The following SLC35F4 variants were observed in gnomAD, a reference collection of about 807,000 sequenced individuals.
SLC35F4 encodes the protein chromosome 14 open reading frame 36.
In SLC35F4, 24 loss-of-function variants were observed where a neutral mutation model predicts 44.2. The ratio of observed to expected loss-of-function variants is 0.54; its 90% confidence interval spans 0.39 to 0.76. The LOEUF (loss-of-function observed/expected upper bound fraction) is 0.76, where lower values mean the gene tolerates loss of function less well. Ranked by LOEUF, SLC35F4 falls within the 30% of genes least tolerant of loss-of-function variation. SLC35F4 has a pLI of 0.00. For synonymous variants in SLC35F4, 238 were observed against 223.6 expected (o/e 1.06, Z -0.57); for missense variants, 562 against 586.1 (o/e 0.96, Z 0.42).
At chr14:57,585,270 G>C (rs1175577304) in intron 3 of SLC35F4, among the ~76,000 whole-genome samples, 1 of 152,094 alleles carries the variant, frequency 6.6e-6, no homozygotes, top group Non-Finnish European at 1.5e-5. Flanking sequence ...TGCAGAAAAG[G>C]CCTTCGACAA....
upstream of SLC35F4, chr14:57,866,130 G>A (rs1025149232): frequency 1.1e-5 from 2 of 181,140 alleles, no homozygotes; most frequent in Non-Finnish European, 2.3e-5. Context: ...GTGGCCGGGG[G>A]CGGGTGTGGG....
At chr14:57,752,948 G>A (rs1371804270) in intron 1 of SLC35F4, among the ~76,000 whole-genome samples, 1 of 152,124 alleles carries the variant, frequency 6.6e-6, no homozygotes, top group Non-Finnish European at 1.5e-5. Flanking sequence ...CCTCCTTAAC[G>A]GGCAGTCATG....
At chr14:57,813,118 G>A (rs1882157093) in intron 1 of SLC35F4, among the ~76,000 whole-genome samples, 1 of 152,188 alleles carries the variant, frequency 6.6e-6, no homozygotes, top group Non-Finnish European at 1.5e-5. Flanking sequence ...CACAGTCTGT[G>A]AGTGTCAGGT....
rs1308128356 is a variant in SLC35F4 at position 57,865,716 on chromosome 14, G to C, written c.103+7C>G. 7.9e-6 allele frequency: 12 copies of C among 1,516,312 alleles called. No individual in the cohort carries two copies. The highest frequency in any genetic ancestry group is 1.1e-5 in the Non-Finnish European group (12 of 1,138,240). 93.9% of individuals were successfully genotyped at this position (1,516,312 alleles called of 1,614,324 possible). A position where few individuals can be genotyped will look rare whatever the true frequency, so the allele number is the denominator to read the frequency against. On this transcript the variant is annotated splice_region_variant and intron_variant, in intron 1 of 7. Coordinates refer to ENST00000556826, the MANE Select transcript of SLC35F4 (RefSeq NM_001306087.2). ...GCCTCGCGCAGGGCAGCCGCGCGGCGTCTTACTTTTCTGGCTGGAGTAACC... is the reference window on the plus strand; with the variant it reads ...GCCTCGCGCAGGGCAGCCGCGCGGCCTCTTACTTTTCTGGCTGGAGTAACC...
At chr14:57,592,869 A>G (rs568024165) in intron 2 of SLC35F4, among the ~76,000 whole-genome samples, 1 of 152,024 alleles carries the variant, frequency 6.6e-6, no homozygotes, top group South Asian at 2.1e-4. Context: ...TTTACTACCA[A>G]CTTATTTTGG....
intron 1 of SLC35F4, among the ~76,000 whole-genome samples, chr14:57,882,925 A>T (rs183751658): frequency 2.6e-5 from 4 of 152,070 alleles, no homozygotes; most frequent in African/African-American, 9.6e-5. Context: ...TGATTTTGCC[A>T]GTGGTATGAT....
At chr14:57,854,317 T>G (rs1886871335) in intron 1 of SLC35F4, among the ~76,000 whole-genome samples, 1 of 151,974 alleles carries the variant, frequency 6.6e-6, no homozygotes, top group Non-Finnish European at 1.5e-5. Context: ...TGCTTTATAA[T>G]TTTTAAAAAA....
At chr14:57,680,177 G>A (rs1223957950) in intron 1 of SLC35F4, among the ~76,000 whole-genome samples, 3 of 152,050 alleles carry the variant, frequency 2.0e-5, no homozygotes, top group African/African-American at 4.8e-5. Flanking sequence ...TATCCACCAC[G>A]ATCAAGTCAG....
chr14:57,624,885 A>C (rs1408809675), intron 1 of SLC35F4, among the ~76,000 whole-genome samples: 1 of 152,198 alleles, frequency 6.6e-6, no homozygotes, highest in Non-Finnish European at 1.5e-5. Flanking sequence ...TTCCCTTTGA[A>C]AACCGGCACA....
intron 1 of SLC35F4, among the ~76,000 whole-genome samples, chr14:57,826,628 A>G (rs1367944276): frequency 6.6e-6 from 1 of 152,096 alleles, no homozygotes; most frequent in South Asian, 2.1e-4. Context: ...AAGGTCTAAT[A>G]TCCAGAGTCT....
At chr14:57,597,943 C>T (rs1158294976) in intron 1 of SLC35F4, among the ~76,000 whole-genome samples, 1 of 151,976 alleles carries the variant, frequency 6.6e-6, no homozygotes, top group Non-Finnish European at 1.5e-5. Context: ...GGGGAGACCT[C>T]GTAAACAAAA....
At chr14:57,612,756 C>T (rs188161414) in intron 1 of SLC35F4, among the ~76,000 whole-genome samples, 31 of 152,240 alleles carry the variant, frequency 2.0e-4, no homozygotes, top group South Asian at 4.2e-4. Flanking sequence ...TCTCCAACTA[C>T]GCATGCTCAA....
At chr14:57,920,587 T>C (rs1889422579) in intron 1 of SLC35F4, among the ~76,000 whole-genome samples, 2 of 152,212 alleles carry the variant, frequency 1.3e-5, no homozygotes, top group Non-Finnish European at 1.5e-5. Flanking sequence ...AAGAAGAATA[T>C]ATATAAAAAT....
chr14:57,819,710 G>C (rs1819066888), intron 1 of SLC35F4, among the ~76,000 whole-genome samples: 2 of 151,754 alleles, frequency 1.3e-5, no homozygotes, highest in African/African-American at 4.8e-5. Context: ...CTACTCAGGA[G>C]GCTGAGGCAG....
At chr14:57,729,478 T>C (rs1213708470) in intron 1 of SLC35F4, among the ~76,000 whole-genome samples, 1 of 152,160 alleles carries the variant, frequency 6.6e-6, no homozygotes, top group Non-Finnish European at 1.5e-5. Flanking sequence ...GACTGAGTCC[T>C]TCCCTTCAAG....
chr14:57,683,922 C>G (rs1231179142), intron 1 of SLC35F4, among the ~76,000 whole-genome samples: 1 of 152,046 alleles, frequency 6.6e-6, no homozygotes, highest in Non-Finnish European at 1.5e-5. Context: ...GAGTGGCCAT[C>G]TGATGGTGGG....
intron 1 of SLC35F4, among the ~76,000 whole-genome samples, chr14:57,653,277 G>T (rs1374428369): frequency 1.3e-5 from 2 of 152,090 alleles, no homozygotes; most frequent in African/African-American, 2.4e-5. Context: ...ATAAAATGAG[G>T]CATGAAAGAC....
intron 1 of SLC35F4, among the ~76,000 whole-genome samples, chr14:57,648,699 G>A (rs2073650169): frequency 6.6e-6 from 1 of 152,142 alleles, no homozygotes; most frequent in South Asian, 2.1e-4. Context: ...TAAGAAGTGT[G>A]TACAAAGCGT....
At chr14:57,968,496 C>T (rs1057463142) in intron 1 of SLC35F4, among the ~76,000 whole-genome samples, 2 of 152,188 alleles carry the variant, frequency 1.3e-5, no homozygotes, top group Admixed American at 1.3e-4. Flanking sequence ...CTTTGCAATT[C>T]CTAATAGTGC....
Sources: allele counts gnomAD v4.1 joint callset (sites outside exome capture counted in the v4.1 genomes callset), GRCh38; gene constraint gnomAD v4.1.1; transcripts MANE v1.5; gene names NCBI Gene and HGNC (gene_info 2026-07-23, HGNC 2026-07-21).